Variants in AIG1 observed in about 807,000 individuals in gnomAD.
AIG1 encodes androgen induced 1, also known as androgen-induced gene 1 protein.
AIG1 carries 23 observed loss-of-function variants against 31.4 expected under a neutral mutation model. That is an observed-to-expected ratio of 0.73 (90% CI 0.53 to 1.04). The LOEUF is 1.04. Ranked by LOEUF, AIG1 falls within the 50% of genes least tolerant of loss-of-function variation. The pLI is 0.00. For synonymous variants in AIG1, 100 were observed against 110.5 expected (o/e 0.90, Z 0.60); for missense variants, 274 against 295.0 (o/e 0.93, Z 0.52).
chr6:143,191,928 T>G (rs1583467642), intron 3 of AIG1, among the ~76,000 whole-genome samples: 1 of 151,984 alleles, frequency 6.6e-6, no homozygotes, highest in Non-Finnish European at 1.5e-5. Context: ...AAAGTTTTGT[T>G]ATATAAGTGG....
At position 143,291,122 on chromosome 6, in the gene AIG1, A is replaced by G. The variant is rs1340561378; in HGVS notation, c.515+6897A>G. On this transcript the variant is annotated intron_variant, in intron 4 of 5. Transcript: ENST00000357847. The surrounding 1 kb of genome is among the most constrained non-coding windows in gnomAD (Gnocchi z 4.2). Reference sequence around the variant, plus strand: ...GGAAGCTGACTCGTTAGCCTTCCTTATATCTCCTATTTAAGCAAGGAAAAG... The same window carrying G: ...GGAAGCTGACTCGTTAGCCTTCCTTGTATCTCCTATTTAAGCAAGGAAAAG... 6.6e-6 allele frequency among the ~76,000 whole-genome samples: 1 copy of G among 152,202 alleles called. No individual in the cohort carries two copies. Among genetic ancestry groups the G allele is most frequent in the Non-Finnish European group, 1.5e-5 (1 of 68,034 alleles).
intron 1 of AIG1, among the ~76,000 whole-genome samples, chr6:143,135,936 G>T (rs1172898494): frequency 6.6e-6 from 1 of 152,172 alleles, no homozygotes; most frequent in East Asian, 1.9e-4. Flanking sequence ...GTATGACTTT[G>T]TGTGCAGGGG....
intron 3 of AIG1, among the ~76,000 whole-genome samples, chr6:143,260,008 CTTGTGCTTCTTTT>C (rs1391721207): frequency 1.4e-5 from 2 of 141,210 alleles, no homozygotes; most frequent in South Asian, 2.3e-4. Context: ...TCTTGTGCTT[CTTGTGCTTCTTTT>C]TTTTTTTTTT....
At chr6:143,171,630 G>A (rs1225297826) in intron 3 of AIG1, among the ~76,000 whole-genome samples, 1 of 148,528 alleles carries the variant, frequency 6.7e-6, no homozygotes, top group East Asian at 1.9e-4. Flanking sequence ...AAATTTTGCT[G>A]CTGTAAACAT....
intron 4 of AIG1, among the ~76,000 whole-genome samples, chr6:143,305,933 G>C (rs1413775923): frequency 6.6e-6 from 1 of 152,152 alleles, no homozygotes; most frequent in Non-Finnish European, 1.5e-5. Flanking sequence ...TATATATTTA[G>C]TATAGTTAAC....
chr6:143,215,223 C>A (rs1791936739), intron 3 of AIG1, among the ~76,000 whole-genome samples: 1 of 152,086 alleles, frequency 6.6e-6, no homozygotes, highest in South Asian at 2.1e-4. Context: ...TGTCAGAATG[C>A]AAATTCTTCA....
chr6:143,297,837 A>AT lies in AIG1; in HGVS notation c.515+13621dup, dbSNP rs200728252. On this transcript the variant is annotated intron_variant, in intron 4 of 5. Transcript: ENST00000357847. This position sits in a 1 kb window ranked among gnomAD's most constrained non-coding sequence, Gnocchi z 5.1. The stretch of plus-strand genomic sequence containing the variant: ...ATAGTTTATTTTTTCCAGTTTGGGT[A>AT]TTTTTTTTTCTTTCTGGTAGCACTT... Among the ~76,000 whole-genome samples the AT allele has an allele frequency of 4.6e-5, 7 of 150,838 alleles. No individual in the cohort carries two copies. The highest frequency in any genetic ancestry group is 3.4e-3 in the Middle Eastern group (1 of 290).
At chr6:143,255,508 G>A (rs1252323270) in intron 3 of AIG1, among the ~76,000 whole-genome samples, 4 of 152,018 alleles carry the variant, frequency 2.6e-5, no homozygotes, top group Non-Finnish European at 5.9e-5. Context: ...ATTGCATTAG[G>A]GCCCCACTCT....
At chr6:143,239,330 C>A (rs1007018796) in intron 3 of AIG1, among the ~76,000 whole-genome samples, 6 of 152,214 alleles carry the variant, frequency 3.9e-5, no homozygotes, top group African/African-American at 1.4e-4. Flanking sequence ...CTGAATATTT[C>A]TGAGCAGATA....
At chr6:143,073,434 T>G (rs1370370051) in intron 1 of AIG1, among the ~76,000 whole-genome samples, 5 of 152,202 alleles carry the variant, frequency 3.3e-5, no homozygotes, top group Non-Finnish European at 5.9e-5. Flanking sequence ...TTATTTAATT[T>G]TATTTTTTAG....
intron 2 of AIG1, among the ~76,000 whole-genome samples, chr6:143,148,031 C>G (rs1177233867): frequency 6.6e-6 from 1 of 152,146 alleles, no homozygotes; most frequent in African/African-American, 2.4e-5. Context: ...CATTTTATAG[C>G]TTGCCTGCTT....
chr6:143,144,583 A>G (rs1308737256), intron 2 of AIG1, among the ~76,000 whole-genome samples: 2 of 152,222 alleles, frequency 1.3e-5, no homozygotes, highest in Non-Finnish European at 2.9e-5. Flanking sequence ...TGGATGTATA[A>G]GTTAATGAGG....
At position 143,153,627 on chromosome 6, in the gene AIG1, G is replaced by A. The variant is rs186234678; in HGVS notation, c.298-11455G>A. ...CTCCCAAAGTGCTGGGATTACAGGC[G>A]TGAGCCACCGTGCCCAGCTGAGATT... On this transcript the variant is annotated intron_variant, in intron 2 of 5. Coordinates refer to ENST00000357847, the MANE Select transcript of AIG1 (RefSeq NM_016108.4). Among the ~76,000 whole-genome samples, 56 of 152,264 alleles carry A rather than the reference G, an allele frequency of 3.7e-4. No homozygotes were observed. The East Asian group carries it at 7.8e-3, about 21-fold the overall frequency.
rs920515785 is a variant in AIG1, at chr6:143,325,654, A to G, written c.516-7628A>G. On this transcript the variant is annotated intron_variant, in intron 4 of 5. Transcript: ENST00000357847. The surrounding 1 kb of genome is among the most constrained non-coding windows in gnomAD (Gnocchi z 4.3). ...CATTGCCTAAATCTAATCAATCACC[A>G]TGTTGTCTTAACTATATTTGTTAAA... Among the ~76,000 whole-genome samples, 3 of 152,158 alleles carry G rather than the reference A, an allele frequency of 2.0e-5. No individual in the cohort carries two copies. Among genetic ancestry groups the G allele is most frequent in the Non-Finnish European group, 4.4e-5 (3 of 68,028 alleles).
chr6:143,108,552 A>T (rs765606666), intron 1 of AIG1, among the ~76,000 whole-genome samples: 1 of 152,320 alleles, frequency 6.6e-6, no homozygotes, highest in East Asian at 1.9e-4. Flanking sequence ...TTCAGCTGGG[A>T]TGGGGCCCAG....
chr6:143,082,525 T>C (rs1382304782), intron 1 of AIG1, among the ~76,000 whole-genome samples: 1 of 152,252 alleles, frequency 6.6e-6, no homozygotes, highest in African/African-American at 2.4e-5. Flanking sequence ...AACGGTTGTC[T>C]GACAGCCACA....
intron 4 of AIG1, among the ~76,000 whole-genome samples, chr6:143,308,114 A>G (rs1314195615): frequency 6.6e-6 from 1 of 152,122 alleles, no homozygotes; most frequent in Non-Finnish European, 1.5e-5. Context: ...TCTGTCACCC[A>G]TTTCTTTGAC....
chr6:143,259,379 C>T (rs1795587589), intron 3 of AIG1, among the ~76,000 whole-genome samples: 1 of 152,102 alleles, frequency 6.6e-6, no homozygotes, highest in Admixed American at 6.5e-5. Flanking sequence ...ATTTTCTTCC[C>T]CTTGTCTTCC....
intron 3 of AIG1, among the ~76,000 whole-genome samples, chr6:143,223,703 C>A (rs778471819): frequency 2.0e-5 from 3 of 152,104 alleles, no homozygotes; most frequent in Non-Finnish European, 4.4e-5. Flanking sequence ...AATTTAATTG[C>A]ATTTTTTTAA....
Sources: gnomAD v4.1 joint callset for allele counts (sites outside exome capture counted in the v4.1 genomes callset) on GRCh38, gnomAD v4.1.1 for gene constraint, Gnocchi (gnomAD v3.1) non-coding constraint, MANE v1.5 for transcripts, NCBI Gene and HGNC (gene_info 2026-07-23, HGNC 2026-07-21) for gene names.